SAP30L: variants seen among roughly 807,000 people sequenced by gnomAD.
The protein encoded by SAP30L is SAP30 like.
SAP30L carries 10 observed loss-of-function variants against 22.3 expected under a neutral mutation model. The observed-to-expected ratio is 0.45, with a 90% CI of 0.28 to 0.76. The LOEUF is 0.76. SAP30L is among the 30% of genes least tolerant of loss of function. The probability of loss-of-function intolerance (pLI) is 0.14; values close to 1 mark genes in which losing one functional copy is unlikely to be tolerated. For missense variants in SAP30L, 206 were observed against 237.9 expected, an observed-to-expected ratio of 0.87 and a Z score of 0.88; for synonymous variants, 91 against 94.1, an observed-to-expected ratio of 0.97 and a Z score of 0.19.
intron 1 of SAP30L, 84 bp downstream of exon 1, chr5:154,446,889 G>C (rs959692487): frequency 1.6e-6 from 2 of 1,218,918 alleles, no homozygotes; most frequent in Non-Finnish European, 2.3e-6. Flanking sequence ...GACTCCCCGG[G>C]CACTCCCCGC....
At chr5:154,450,196 G>T (rs1757109376) in intron 1 of SAP30L, among the ~76,000 whole-genome samples, 1 of 152,232 alleles carries the variant, frequency 6.6e-6, no homozygotes, top group African/African-American at 2.4e-5. Flanking sequence ...GATTCTTCAT[G>T]TCTTAGCTGT....
Position 154,451,052 on chromosome 5 carries a change from G to C in SAP30L, c.202-39G>C, listed in dbSNP as rs751884650. On this transcript the variant is annotated intron_variant, in intron 1 of 3. Transcript: ENST00000297109. ...ACAGATACCTATTGCTGTCTCCAAG[G>C]AATTGGCCAACTCTGACTTTGATTT... 3.1e-6 allele frequency: 5 copies of C among 1,613,104 alleles called. No homozygotes were observed. In the East Asian group the frequency reaches 8.9e-5, roughly 29 times the overall value.
At chr5:154,450,286 A>G (rs1258832538) in intron 1 of SAP30L, among the ~76,000 whole-genome samples, 2 of 152,322 alleles carry the variant, frequency 1.3e-5, no homozygotes, top group East Asian at 3.9e-4. Flanking sequence ...ATGTGGTTCT[A>G]CCTTGTAAGA....
intron 2 of SAP30L, among the ~76,000 whole-genome samples, chr5:154,452,704 C>T (rs1320865003): frequency 6.6e-6 from 1 of 152,158 alleles, no homozygotes; most frequent in Non-Finnish European, 1.5e-5. Flanking sequence ...ATTCTAATAC[C>T]AGAAGGCTGG....
chr5:154,449,325 G>T (rs549418949), intron 1 of SAP30L, among the ~76,000 whole-genome samples: 9 of 147,250 alleles, frequency 6.1e-5, no homozygotes, highest in African/African-American at 2.2e-4. Context: ...GACATGTACT[G>T]GGGGGGCAGA....
At chr5:154,455,234 T>C (rs1757238433) in intron 3 of SAP30L, among the ~76,000 whole-genome samples, 1 of 152,048 alleles carries the variant, frequency 6.6e-6, no homozygotes, top group South Asian at 2.1e-4. Context: ...AATTTTTATT[T>C]GTTTTTGAGA....
At chr5:154,450,916 A>G (rs1436925466) in intron 1 of SAP30L, among the ~76,000 whole-genome samples, 175 bp from the exon 2 acceptor site, 1 of 152,170 alleles carries the variant, frequency 6.6e-6, no homozygotes, top group Non-Finnish European at 1.5e-5. Flanking sequence ...TGATGTTAGC[A>G]TTCTCTTTGT....
intron 2 of SAP30L, among the ~76,000 whole-genome samples, chr5:154,451,639 C>G (rs1240452076): frequency 6.6e-6 from 1 of 152,156 alleles, no homozygotes; most frequent in Non-Finnish European, 1.5e-5. Context: ...GTCATCAGTT[C>G]ATACCAGCTC....
At chr5:154,446,936 T>G in intron 1 of SAP30L, 131 bp downstream of exon 1, 1 of 701,036 alleles carries the variant, frequency 1.4e-6, no homozygotes, top group Non-Finnish European at 2.3e-6. Flanking sequence ...AGAACTGAGT[T>G]GGACTCCGCA....
In SAP30L at chr5:154,456,560, A is replaced by G. The variant is rs889044997; in HGVS notation, c.*532A>G. 1 of 153,576 alleles carries G rather than the reference A, an allele frequency of 6.5e-6. No homozygotes were observed. Among genetic ancestry groups the G allele is most frequent in the African/African-American group, 2.4e-5 (1 of 41,440 alleles). 9.5% of individuals were successfully genotyped at this position (153,576 alleles called of 1,614,324 possible). Reference sequence around the variant, plus strand: ...ACCCTGTGCCTTGTACACAGTAGGCACTCAATCAGTAGGTATTGGCTAATT... The same window carrying G: ...ACCCTGTGCCTTGTACACAGTAGGCGCTCAATCAGTAGGTATTGGCTAATT... On this transcript the variant is annotated 3_prime_UTR_variant, in exon 4 of 4. Transcript: ENST00000297109.
rs1460693373 is a variant in SAP30L at position 154,459,508 on chromosome 5, T to C, written c.*3480T>C. ...TGTCCCAAAGCATAGCGTTTGCCTT[T>C]TGGAAAGAAACAATGCTAGGACATG... On this transcript the variant is annotated 3_prime_UTR_variant, in exon 4 of 4. Coordinates refer to ENST00000297109, the MANE Select transcript of SAP30L (RefSeq NM_024632.6). 1.3e-5 allele frequency: 2 copies of C among 152,250 alleles called. No homozygotes were observed. The highest frequency in any genetic ancestry group is 2.9e-5 in the Non-Finnish European group (2 of 68,046). 9.4% of individuals were successfully genotyped at this position (152,250 alleles called of 1,614,324 possible).
intron 1 of SAP30L, among the ~76,000 whole-genome samples, chr5:154,447,969 CTTTTTTT>C (rs140213326): frequency 7.9e-5 from 7 of 88,354 alleles, no homozygotes; most frequent in Admixed American, 1.4e-4. Context: ...TTTTCTTTTT[CTTTTTTT>C]TTTTTTTTTT....
intron 1 of SAP30L, among the ~76,000 whole-genome samples, chr5:154,449,310 G>T (rs1486508976): frequency 2.0e-5 from 3 of 152,098 alleles, no homozygotes; most frequent in African/African-American, 7.3e-5. Flanking sequence ...GCTGGAGTAG[G>T]AAAAGACATG....
At chr5:154,450,947 GCTT>G in intron 1 of SAP30L, 141 bp from the exon 2 acceptor site, 1 of 852,812 alleles carries the variant, frequency 1.2e-6, no homozygotes, top group Admixed American at 2.3e-5. Context: ...TCAGTAGTGA[GCTT>G]CTGGGAATGA....
At position 154,457,506 on chromosome 5, in the gene SAP30L, A is replaced by G. The variant is rs569561453; in HGVS notation, c.*1478A>G. 2.0e-5 allele frequency: 3 copies of G among 152,320 alleles called. No individual in the cohort carries two copies. The highest frequency in any genetic ancestry group is 4.1e-4 in the South Asian group (2 of 4,822). 9.4% of individuals were successfully genotyped at this position (152,320 alleles called of 1,614,324 possible). A position where few individuals can be genotyped will look rare whatever the true frequency, so the allele number is the denominator to read the frequency against. On this transcript the variant is annotated 3_prime_UTR_variant, in exon 4 of 4. Transcript: ENST00000297109. ...TCACAGATGACTTAATCTGAGCACC[A>G]TCACAGAGAAGTCAGGACTAAACCC...
At chr5:154,455,805 A>G in intron 3 of SAP30L, 95 bp from the exon 4 acceptor site, 2 of 1,433,668 alleles carry the variant, frequency 1.4e-6, no homozygotes, top group Non-Finnish European at 1.9e-6. Flanking sequence ...CCGCCACAGC[A>G]TGCAAACAAC....
rs9324784 is a variant in SAP30L at position 154,449,444 on chromosome 5, C to G, written c.202-1647C>G. On this transcript the variant is annotated intron_variant, in intron 1 of 3. Transcript: ENST00000297109. ...GGATTGCACTAGTGATTGCTAAGTT[C>G]TCTTACAGCTAGGATTCCGTTATTC... 2.0e-3 allele frequency among the ~76,000 whole-genome samples: 297 copies of G among 152,212 alleles called. 2 individuals are homozygous for G. The highest frequency in any genetic ancestry group is 6.9e-3 in the African/African-American group (286 of 41,530).
In SAP30L at chr5:154,453,508, G is replaced by C. The variant is rs755865412; in HGVS notation, c.423+8G>C. ...AAGGCCCAGTTAGCAGAAGTAGGTA[G>C]ACAAAATTGCCCTCTAAAGAGAGCC... On this transcript the variant is annotated splice_region_variant and intron_variant, in intron 3 of 3. Coordinates refer to ENST00000297109, the MANE Select transcript of SAP30L (RefSeq NM_024632.6). The C allele has an allele frequency of 2.5e-6, 4 of 1,588,978 alleles. No individual in the cohort carries two copies. The highest frequency in any genetic ancestry group is 1.1e-5 in the South Asian group (1 of 90,574).
chr5:154,455,271 G>A (rs1342374001), intron 3 of SAP30L, among the ~76,000 whole-genome samples: 1 of 152,128 alleles, frequency 6.6e-6, no homozygotes, highest in African/African-American at 2.4e-5. Context: ...CTCCTAGGCT[G>A]GGGTGCAGTC....
Sources: gnomAD v4.1 joint callset for allele counts (sites outside exome capture counted in the v4.1 genomes callset) on GRCh38, gnomAD v4.1.1 for gene constraint, MANE v1.5 for transcripts, NCBI Gene and HGNC (gene_info 2026-07-23, HGNC 2026-07-21) for gene names.